The following TPD52 variants were observed in gnomAD, a reference collection of about 807,000 sequenced individuals.
The protein encoded by TPD52 is prostate and colon associated protein.
TPD52 carries 17 observed loss-of-function variants against 31.3 expected under a neutral mutation model. The observed-to-expected ratio is 0.54, with a 90% CI of 0.37 to 0.82. TPD52 has a LOEUF of 0.82. Among genes scored for constraint, TPD52 ranks in the 40% least tolerant of loss-of-function variants. The probability of loss-of-function intolerance (pLI) is 0.00; values close to 1 mark genes in which losing one functional copy is unlikely to be tolerated. For synonymous variants in TPD52, 83 were observed against 89.6 expected (o/e 0.93, Z 0.42); for missense variants, 212 against 240.1 (o/e 0.88, Z 0.77).
chr8:80,091,485 C>T (rs1194424997), intron 1 of TPD52, among the ~76,000 whole-genome samples: 1 of 147,230 alleles, frequency 6.8e-6, no homozygotes, highest in Non-Finnish European at 1.5e-5. Flanking sequence ...AAAAAAAATA[C>T]ACAAAAGAGC....
Position 80,128,494 on chromosome 8 carries a change from C to CAAAAAAAAAAAAA in TPD52, c.19+42918_19+42930dup, listed in dbSNP as rs3053828. On this transcript the variant is annotated intron_variant, in intron 1 of 7. Coordinates refer to ENST00000518937, the MANE Select transcript of TPD52 (RefSeq NM_001025253.3). ...GCAACACAAGGAGACCCTGTCTCTA[C>CAAAAAAAAAAAAA]AAAAAAAAAAAAAAAAAATGCTGGG... Among the ~76,000 whole-genome samples the CAAAAAAAAAAAAA allele has an allele frequency of 4.3e-3, 355 of 83,042 alleles. 26 individuals are homozygous for CAAAAAAAAAAAAA. The highest frequency in any genetic ancestry group is 0.017 in the African/African-American group (317 of 18,898). 54.5% of individuals were successfully genotyped at this position (83,042 alleles called of 152,430 possible).
intron 1 of TPD52, chr8:80,080,886 A>G: frequency 6.2e-6 from 3 of 483,344 alleles, no homozygotes; most frequent in Non-Finnish European, 8.1e-6. Context: ...TAAAAAAATC[A>G]GCTGACCATG....
At chr8:80,044,864 A>C (rs1198653178) in intron 5 of TPD52, among the ~76,000 whole-genome samples, 1 of 152,210 alleles carries the variant, frequency 6.6e-6, no homozygotes. Flanking sequence ...CTTTGGGTAA[A>C]GTGTATAGGT....
intron 4 of TPD52, 91 bp downstream of exon 4, chr8:80,051,436 A>G: frequency 8.1e-7 from 1 of 1,239,058 alleles, no homozygotes; most frequent in South Asian, 1.2e-5. Context: ...AGCTAGCATC[A>G]ACTAGAGCCA....
chr8:80,099,277 G>A (rs1429638723), intron 1 of TPD52, among the ~76,000 whole-genome samples: 3 of 152,050 alleles, frequency 2.0e-5, no homozygotes, highest in Non-Finnish European at 4.4e-5. Flanking sequence ...AGGAAATAAC[G>A]GCCCTATTAT....
At chr8:80,161,732 A>ATAT (rs1277398110) in intron 1 of TPD52, among the ~76,000 whole-genome samples, 3,244 of 72,376 alleles carry the variant, frequency 0.045, 52 homozygotes, top group South Asian at 0.1. Flanking sequence ...ATATATATAT[A>ATAT]TTTTTTTTTT....
chr8:80,042,825 A>C (rs1810512939), intron 6 of TPD52, 157 bp from the exon 7 acceptor site: 1 of 562,288 alleles, frequency 1.8e-6, no homozygotes, highest in Non-Finnish European at 2.9e-6. Context: ...ACAAGTATTT[A>C]TAATGTAAGA....
intron 1 of TPD52, among the ~76,000 whole-genome samples, chr8:80,083,746 G>C (rs538245373): frequency 1.5e-4 from 23 of 152,296 alleles, no homozygotes; most frequent in African/African-American, 4.8e-4. Flanking sequence ...AGTACACCTT[G>C]GTATCGGGGC....
At chr8:80,164,898 C>CAAAAAAAAAAAAAAAAAAAAAA (rs34027501) in intron 1 of TPD52, among the ~76,000 whole-genome samples, 2 of 31,904 alleles carry the variant, frequency 6.3e-5, no homozygotes, top group African/African-American at 2.2e-4. Flanking sequence ...GACAATGTCT[C>CAAAAAAAAAAAAAAAAAAAAAA]AAAAAAAAAA....
intron 6 of TPD52, among the ~76,000 whole-genome samples, chr8:80,043,218 A>G (rs528385469): frequency 1.1e-4 from 16 of 152,276 alleles, no homozygotes; most frequent in African/African-American, 3.8e-4. Flanking sequence ...GGCTTTGCCT[A>G]CTTCACAACT....
At chr8:80,032,028 C>T (rs1809705218), downstream of TPD52, among the ~76,000 whole-genome samples, 1 of 151,930 alleles carries the variant, frequency 6.6e-6, no homozygotes. Context: ...TGACACATGG[C>T]TGTAATCCCA....
At chr8:80,085,510 C>G (rs533551057) in intron 1 of TPD52, among the ~76,000 whole-genome samples, 1 of 152,204 alleles carries the variant, frequency 6.6e-6, no homozygotes, top group South Asian at 2.1e-4. Flanking sequence ...CCAGGAGAGG[C>G]AGGCCGCAGA....
At chr8:80,093,185 ATAATAATAAACAGAGTCCAGAAT>A (rs2130892414) in intron 1 of TPD52, among the ~76,000 whole-genome samples, 1 of 152,316 alleles carries the variant, frequency 6.6e-6, no homozygotes, top group African/African-American at 2.4e-5. Flanking sequence ...AATAATAATA[ATAATAATAAACAGAGTCCAGAAT>A]AATGGCTCAG....
intron 5 of TPD52, among the ~76,000 whole-genome samples, chr8:80,047,836 T>C (rs1811017894): frequency 6.6e-6 from 1 of 152,112 alleles, no homozygotes; most frequent in Non-Finnish European, 1.5e-5. Context: ...GAAACACACA[T>C]TTAAAAAGGA....
chr8:80,075,295 G>T (rs1814407192), intron 1 of TPD52, among the ~76,000 whole-genome samples: 2 of 152,110 alleles, frequency 1.3e-5, no homozygotes, highest in South Asian at 4.1e-4. Context: ...GGTTATTAAA[G>T]AGTAAAGGAA....
chr8:80,083,752 G>C (rs191243059), intron 1 of TPD52, among the ~76,000 whole-genome samples: 7 of 152,216 alleles, frequency 4.6e-5, no homozygotes, highest in Non-Finnish European at 7.4e-5. Context: ...CCTTGGTATC[G>C]GGGCAACTCT....
At chr8:80,086,054 CA>C (rs1815726673) in intron 1 of TPD52, among the ~76,000 whole-genome samples, 1 of 148,782 alleles carries the variant, frequency 6.7e-6, no homozygotes, top group Non-Finnish European at 1.5e-5. Context: ...CAGACAAATC[CA>C]AAACAAGTTT....
chr8:80,077,381 A>G (rs1473838225), intron 1 of TPD52, among the ~76,000 whole-genome samples: 4 of 152,188 alleles, frequency 2.6e-5, no homozygotes, highest in Non-Finnish European at 5.9e-5. Flanking sequence ...AATGCAACAA[A>G]AGACCCCAGC....
intron 2 of TPD52, among the ~76,000 whole-genome samples, chr8:80,054,407 A>T (rs1169361265): frequency 1.3e-5 from 2 of 152,190 alleles, no homozygotes; most frequent in Non-Finnish European, 2.9e-5. Context: ...TATTTCAGAA[A>T]CAGGGAAAAG....
Sources: allele counts gnomAD v4.1 joint callset (sites outside exome capture counted in the v4.1 genomes callset), GRCh38; gene constraint gnomAD v4.1.1; transcripts MANE v1.5; gene names NCBI Gene and HGNC (gene_info 2026-07-23, HGNC 2026-07-21).